The following LCA5L variants were observed in gnomAD, a reference collection of about 807,000 sequenced individuals.
The protein encoded by LCA5L is lebercilin LCA5 like, also known as lebercilin-like protein.
LCA5L carries 35 observed loss-of-function variants against 45.4 expected under a neutral mutation model. That is an observed-to-expected ratio of 0.77 (90% CI 0.59 to 1.02). The LOEUF (loss-of-function observed/expected upper bound fraction) is 1.02, where lower values mean the gene tolerates loss of function less well. Ranked by LOEUF, LCA5L falls within the 50% of genes least tolerant of loss-of-function variation. LCA5L has a pLI of 0.00. For missense variants in LCA5L, 668 were observed against 761.6 expected (o/e 0.88, Z 1.45); for synonymous variants, 233 against 264.7 (o/e 0.88, Z 1.16).
Position 39,423,414 on chromosome 21 carries a change from G to T in LCA5L, c.399C>A (p.Ala133=). 6.2e-7 allele frequency: 1 copy of T among 1,602,900 alleles called. No homozygotes were observed. ...SLFNSQIHMI[A]QRRDAMAHRI... ...GATGAGCCATAGCATCTCTTCTTTG[G>T]GCAATCATATGGATTTGAGAATTAA... The change falls in exon 6 of 11, where the codon GCC becomes GCA. Residue 133 remains alanine, a synonymous_variant. Coordinates refer to ENST00000288350, the MANE Select transcript of LCA5L (RefSeq NM_152505.4).
chr21:39,424,535 A>G (rs1426969680), intron 5 of LCA5L, among the ~76,000 whole-genome samples: 3 of 152,224 alleles, frequency 2.0e-5, no homozygotes, highest in African/African-American at 7.2e-5. Context: ...AGTGCTTATC[A>G]TATGTCAGGC....
intron 1 of LCA5L, chr21:39,444,888 C>G (rs2077278326): frequency 6.6e-6 from 1 of 152,048 alleles, no homozygotes; most frequent in African/African-American, 2.4e-5. Flanking sequence ...CTATCTTGGA[C>G]GAGCTGTGTT....
chr21:39,419,528 AAAAAAAAG>A (rs2147561579), intron 7 of LCA5L, among the ~76,000 whole-genome samples: 1 of 146,276 alleles, frequency 6.8e-6, no homozygotes, highest in African/African-American at 2.7e-5. Flanking sequence ...CTGTTCAAAA[AAAAAAAAG>A]AAAAAAGAAA....
chr21:39,438,820 T>G (rs995187994), intron 2 of LCA5L: 1 of 152,220 alleles, frequency 6.6e-6, no homozygotes, highest in African/African-American at 2.4e-5. Flanking sequence ...AAAGCATATC[T>G]GTGTATGTGT....
intron 4 of LCA5L, 31 bp downstream of exon 4, chr21:39,429,097 TACC>T (rs1318354810): frequency 2.6e-5 from 4 of 152,204 alleles, no homozygotes; most frequent in African/African-American, 7.2e-5. Context: ...CTAAGGACAA[TACC>T]ACCACAAGTA....
At chr21:39,434,604 ACCT>A (rs1215147820) in intron 3 of LCA5L, among the ~76,000 whole-genome samples, 3 of 151,996 alleles carry the variant, frequency 2.0e-5, no homozygotes, top group African/African-American at 7.3e-5. Flanking sequence ...TGCAGGCTTG[ACCT>A]CCTAGGCTCA....
Position 39,423,167 on chromosome 21 carries a change from T to A in LCA5L, c.646A>T (p.Lys216Ter). ...EVKNLRQLLR[K>*]SQEKERTLSR... ...AGAGTTCTTTCCTTTTCCTGGGATT[T>A]CCTAAGTAGTTGCCTTAAATTTTTT... The change falls in exon 6 of 11, where the codon AAA becomes TAA. Residue 216 changes from lysine (K) to a stop codon, truncating the protein, a stop_gained. Coordinates refer to ENST00000288350, the MANE Select transcript of LCA5L (RefSeq NM_152505.4). LOFTEE classifies it high-confidence loss of function. 1 of 1,613,526 alleles carries A rather than the reference T, an allele frequency of 6.2e-7. No individual in the cohort carries two copies. The highest frequency in any genetic ancestry group is 1.7e-5 in the Admixed American group (1 of 59,948).
At chr21:39,413,619 A>C (rs754457292) in intron 7 of LCA5L, among the ~76,000 whole-genome samples, 23 of 152,204 alleles carry the variant, frequency 1.5e-4, no homozygotes, top group Admixed American at 2.6e-4. Flanking sequence ...TGGAGGCAAA[A>C]ATGTTAACAG....
At chr21:39,410,156 A>G in intron 9 of LCA5L, 60 bp from the exon 10 acceptor site, 1 of 1,305,082 alleles carries the variant, frequency 7.7e-7, no homozygotes, top group Non-Finnish European at 1.1e-6. Context: ...TTAAAATTGC[A>G]TTTTATTCTA....
chr21:39,432,552 T>C (rs917185683), intron 3 of LCA5L, among the ~76,000 whole-genome samples: 2 of 152,186 alleles, frequency 1.3e-5, no homozygotes, highest in Non-Finnish European at 2.9e-5. Context: ...AAGAGTACCA[T>C]TTGATAAGAT....
In LCA5L at chr21:39,409,866, T is replaced by A; in HGVS notation, c.1282+113A>T. 1 of 636,148 alleles carries A rather than the reference T, an allele frequency of 1.6e-6. No homozygotes were observed. Among genetic ancestry groups the A allele is most frequent in the Non-Finnish European group, 2.7e-6 (1 of 372,232 alleles). 39.4% of individuals were successfully genotyped at this position (636,148 alleles called of 1,614,324 possible). On this transcript the variant is annotated intron_variant, in intron 10 of 10. Transcript: ENST00000288350. This position sits in a 1 kb window ranked among gnomAD's most constrained non-coding sequence, Gnocchi z 4.2. ...GCCTTGGCCTCCCAAAGTGCTGGGA[T>A]TACAGGTGCGAGCTGCCATGCCCAG... is the stretch of plus-strand genomic sequence containing the variant.
chr21:39,407,871 T>C (rs960956998), intron 10 of LCA5L: 3 of 152,252 alleles, frequency 2.0e-5, no homozygotes, highest in Admixed American at 6.5e-5. Flanking sequence ...CAACTGCAAC[T>C]GACGATCAGT....
intron 2 of LCA5L, among the ~76,000 whole-genome samples, chr21:39,442,277 C>T (rs1490498736): frequency 6.6e-6 from 1 of 152,084 alleles, no homozygotes; most frequent in Admixed American, 6.6e-5. Context: ...GTGGCTGAAG[C>T]CCAGTGAGAA....
intron 4 of LCA5L, 37 bp from the exon 5 acceptor site, chr21:39,428,540 T>C: frequency 1.0e-6 from 1 of 963,746 alleles, no homozygotes; most frequent in Non-Finnish European, 1.4e-6. Flanking sequence ...AAAAGTATTT[T>C]TGAATTTATT....
At chr21:39,443,690 G>T (rs1341880405) in intron 2 of LCA5L, 1 of 152,292 alleles carries the variant, frequency 6.6e-6, no homozygotes, top group African/African-American at 2.4e-5. Flanking sequence ...GTTAATTGGG[G>T]TTTTACCTGA....
At chr21:39,414,760 G>C (rs2040833104) in intron 7 of LCA5L, among the ~76,000 whole-genome samples, 1 of 151,358 alleles carries the variant, frequency 6.6e-6, no homozygotes, top group African/African-American at 2.4e-5. Flanking sequence ...GTGTGTGTGT[G>C]TGTGTGTGTG....
intron 7 of LCA5L, among the ~76,000 whole-genome samples, chr21:39,415,640 AT>A (rs2040999419): frequency 2.6e-5 from 4 of 152,278 alleles, no homozygotes; most frequent in African/African-American, 9.6e-5. Flanking sequence ...TTTGTTTAAC[AT>A]TTTCCCCATT....
intron 5 of LCA5L, among the ~76,000 whole-genome samples, chr21:39,426,335 A>T (rs1442824162): frequency 6.6e-6 from 1 of 152,198 alleles, no homozygotes; most frequent in Non-Finnish European, 1.5e-5. Context: ...ATTATAAGGT[A>T]CTTAGAATTC....
At position 39,409,757 on chromosome 21, in the gene LCA5L, TAA is replaced by T. The variant is rs2039764227; in HGVS notation, c.1282+220_1282+221del. Among the ~76,000 whole-genome samples, 1 of 152,102 alleles carries T rather than the reference TAA, an allele frequency of 6.6e-6. No individual in the cohort carries two copies. Among genetic ancestry groups the T allele is most frequent in the Non-Finnish European group, 1.5e-5 (1 of 68,028 alleles). Reference sequence around the variant, plus strand: ...ACAGGCACATACCGCCATGTGCGGTTAAGTTTTGTATTTTTTAGTAGAGATAG... The same window carrying T: ...ACAGGCACATACCGCCATGTGCGGTTGTTTTGTATTTTTTAGTAGAGATAG... On this transcript the variant is annotated intron_variant, in intron 10 of 10. Coordinates refer to ENST00000288350, the MANE Select transcript of LCA5L (RefSeq NM_152505.4). This position sits in a 1 kb window ranked among gnomAD's most constrained non-coding sequence, Gnocchi z 4.2.
Sources: allele counts gnomAD v4.1 joint callset (sites outside exome capture counted in the v4.1 genomes callset), GRCh38; gene constraint gnomAD v4.1.1; non-coding constraint Gnocchi (gnomAD v3.1); transcripts MANE v1.5; gene names NCBI Gene and HGNC (gene_info 2026-07-23, HGNC 2026-07-21).